Variants in NCOR2 observed in about 807,000 individuals in gnomAD.
NCOR2 encodes the protein nuclear receptor corepressor 2.
Under a neutral mutation model 262.9 loss-of-function variants are expected in NCOR2, and 81 were observed. The ratio of observed to expected loss-of-function variants is 0.31; its 90% CI spans 0.26 to 0.37. The LOEUF (loss-of-function observed/expected upper bound fraction) is 0.37. Ranked by LOEUF, NCOR2 falls within the 10% of genes least tolerant of loss-of-function variation. The pLI is 1.00. For missense variants in NCOR2, 3,385 were observed against 3,621.4 expected, an observed-to-expected ratio of 0.93 and a Z score of 1.68; for synonymous variants, 1,659 against 1,559.3, an observed-to-expected ratio of 1.06 and a Z score of -1.51.
At chr12:124,494,431 G>A (rs962428644) in intron 1 of NCOR2, among the ~76,000 whole-genome samples, 5 of 152,216 alleles carry the variant, frequency 3.3e-5, no homozygotes, top group Non-Finnish European at 5.9e-5. Context: ...ACCAAGGCCC[G>A]TTGTCCTGGC....
intron 30 of NCOR2, among the ~76,000 whole-genome samples, chr12:124,347,249 T>G (rs2037011344): frequency 6.6e-6 from 1 of 152,160 alleles, no homozygotes; most frequent in Non-Finnish European, 1.5e-5. Flanking sequence ...GCATCTGTGG[T>G]CCCAGCTACT....
intron 1 of NCOR2, among the ~76,000 whole-genome samples, chr12:124,553,677 C>G (rs1294180970): frequency 6.6e-6 from 1 of 152,250 alleles, no homozygotes; most frequent in African/African-American, 2.4e-5. Flanking sequence ...CAACAAAGAA[C>G]TTATCAATAC....
intron 16 of NCOR2, chr12:124,388,536 G>A: frequency 2.5e-6 from 2 of 787,526 alleles, no homozygotes; most frequent in Non-Finnish European, 3.6e-6. Context: ...GAGGGCATGG[G>A]GGAAAGGATG....
chr12:124,553,183 C>T (rs2051769189), intron 1 of NCOR2, among the ~76,000 whole-genome samples: 1 of 152,140 alleles, frequency 6.6e-6, no homozygotes, highest in Non-Finnish European at 1.5e-5. Flanking sequence ...GCCAGCAACG[C>T]AGCATCTTCA....
intron 4 of NCOR2, among the ~76,000 whole-genome samples, chr12:124,469,815 C>T (rs1399568667): frequency 6.6e-6 from 1 of 152,156 alleles, no homozygotes; most frequent in African/African-American, 2.4e-5. Context: ...AATGAGATAC[C>T]GCTGTACAAC....
intron 20 of NCOR2, among the ~76,000 whole-genome samples, chr12:124,370,108 G>A (rs992364385): frequency 2.0e-5 from 3 of 152,168 alleles, no homozygotes; most frequent in East Asian, 1.9e-4. Context: ...CCCTGACCCC[G>A]CTATCCAGGC....
intron 6 of NCOR2, 36 bp from the exon 9 acceptor site, chr12:124,449,903 G>C (rs114071181): frequency 0.018 from 28,854 of 1,602,186 alleles, 357 homozygotes; most frequent in Non-Finnish European, 0.021. Flanking sequence ...TCAGAGCCTG[G>C]CTGGCCACTC....
At chr12:124,520,765 C>A (rs1027809870) in intron 1 of NCOR2, among the ~76,000 whole-genome samples, 1 of 152,176 alleles carries the variant, frequency 6.6e-6, no homozygotes, top group Non-Finnish European at 1.5e-5. Flanking sequence ...CTCCCCATCA[C>A]GCAAGCCTTC....
chr12:124,502,160 T>C (rs1486516262), intron 1 of NCOR2, among the ~76,000 whole-genome samples: 1 of 152,130 alleles, frequency 6.6e-6, no homozygotes, highest in African/African-American at 2.4e-5. Flanking sequence ...CGGTGGGACG[T>C]GGCAAGGGTG....
chr12:124,429,621 C>G (rs748184789), exon 10 of NCOR2: 1 of 1,604,602 alleles, frequency 6.2e-7, no homozygotes, highest in South Asian at 1.1e-5. Context: ...ACCTCCTGCT[C>G]TGAGAGGCCA....
chr12:124,332,586 C>A (rs78895760), intron 42 of NCOR2, 119 bp from the exon 45 acceptor site: 4 of 1,280,478 alleles, frequency 3.1e-6, no homozygotes, highest in East Asian at 2.4e-5. Context: ...CACCCGCCCC[C>A]ACGCCTGCAT....
chr12:124,473,018 G>A (rs2046907150), exon 4 of NCOR2: 5 of 1,614,070 alleles, frequency 3.1e-6, no homozygotes, highest in Non-Finnish European at 4.2e-6. Flanking sequence ...CGCGGTCCAT[G>A]TTCTGGATCA....
rs1044042700 is a variant in NCOR2, at chr12:124,517,536, G to A, written c.-118+18029C>T. Among the ~76,000 whole-genome samples the A allele has an allele frequency of 7.9e-5, 12 of 152,172 alleles. No individual in the cohort carries two copies. Among genetic ancestry groups the A allele is most frequent in the East Asian group, 1.9e-4 (1 of 5,178 alleles). On this transcript the variant is annotated intron_variant, in intron 1 of 46. Transcript: ENST00000404621. The surrounding 1 kb of genome is among the most constrained non-coding windows in gnomAD (Gnocchi z 7.6). The stretch of plus-strand genomic sequence containing the variant: ...CGGTGGGGAGCCGGGCGCCGGGGCC[G>A]GGCTGCAGCGCTGCCTGCACCTGGC...
At chr12:124,379,248 C>T (rs1207328438) in intron 17 of NCOR2, among the ~76,000 whole-genome samples, 1 of 152,118 alleles carries the variant, frequency 6.6e-6, no homozygotes, top group Non-Finnish European at 1.5e-5. Context: ...CTCCACTTTC[C>T]CCGCACCGCA....
intron 22 of NCOR2, among the ~76,000 whole-genome samples, chr12:124,358,452 T>TG (rs547759968): frequency 4.7e-4 from 72 of 151,992 alleles, no homozygotes; most frequent in Non-Finnish European, 8.2e-4. Flanking sequence ...TGGCGGGCAG[T>TG]GGGGGGTTAT....
chr12:124,442,894 G>C (rs1048534293), intron 7 of NCOR2, among the ~76,000 whole-genome samples: 1 of 152,198 alleles, frequency 6.6e-6, no homozygotes, highest in African/African-American at 2.4e-5. Context: ...ACACGGAGGG[G>C]AGATGACGCG....
intron 20 of NCOR2, among the ~76,000 whole-genome samples, chr12:124,368,698 A>G (rs768257757): frequency 2.0e-5 from 3 of 152,036 alleles, no homozygotes; most frequent in Non-Finnish European, 4.4e-5. Context: ...TTGCCCTCCA[A>G]TGTCACCTCC....
chr12:124,451,583 G>C (rs1282318875), intron 6 of NCOR2, among the ~76,000 whole-genome samples: 1 of 151,936 alleles, frequency 6.6e-6, no homozygotes, highest in Non-Finnish European at 1.5e-5. Context: ...CTGTCTGTCT[G>C]TCTCCCTCTC....
intron 20 of NCOR2, among the ~76,000 whole-genome samples, chr12:124,369,718 G>A (rs1593248034): frequency 6.6e-6 from 1 of 152,152 alleles, no homozygotes; most frequent in East Asian, 1.9e-4. Flanking sequence ...GGACAAACCA[G>A]GTGTCCTGAC....
Sources: allele counts gnomAD v4.1 joint callset (sites outside exome capture counted in the v4.1 genomes callset), GRCh38; gene constraint gnomAD v4.1.1; non-coding constraint Gnocchi (gnomAD v3.1); transcripts MANE v1.5; gene names NCBI Gene and HGNC (gene_info 2026-07-23, HGNC 2026-07-21).